The following PARP8 variants were observed in gnomAD, a reference collection of about 807,000 sequenced individuals.
PARP8 encodes protein mono-ADP-ribosyltransferase PARP8.
In PARP8, 51 loss-of-function variants were observed where a neutral mutation model predicts 124.1. The ratio of observed to expected loss-of-function variants is 0.41; its 90% CI spans 0.33 to 0.52. PARP8 has a LOEUF of 0.52. Ranked by LOEUF, PARP8 falls within the 20% of genes least tolerant of loss-of-function variation. The pLI is 0.21. For missense variants in PARP8, 860 were observed against 1,018.9 expected (o/e 0.84, Z 2.12); for synonymous variants, 391 against 361.5 (o/e 1.08, Z -0.93).
intron 15 of PARP8, 40 bp from the exon 16 acceptor site, chr5:50,821,173 A>T: frequency 6.2e-7 from 1 of 1,611,708 alleles, no homozygotes; most frequent in Non-Finnish European, 8.5e-7. Context: ...CACTGGATAA[A>T]ACCTGAAGGG....
intron 2 of PARP8, among the ~76,000 whole-genome samples, chr5:50,715,134 C>G (rs1052546542): frequency 6.6e-6 from 1 of 152,066 alleles, no homozygotes; most frequent in Non-Finnish European, 1.5e-5. Context: ...AGTGCCTCCT[C>G]TCACTTCAGC....
intron 2 of PARP8, among the ~76,000 whole-genome samples, chr5:50,721,795 C>A (rs1755914303): frequency 6.6e-6 from 1 of 151,976 alleles, no homozygotes; most frequent in South Asian, 2.1e-4. Context: ...GGAAAAAGTT[C>A]TTATTGGTTG....
intron 2 of PARP8, among the ~76,000 whole-genome samples, chr5:50,671,608 T>A (rs146785402): frequency 2.0e-5 from 3 of 152,242 alleles, no homozygotes; most frequent in African/African-American, 7.2e-5. Flanking sequence ...AAATTTATTC[T>A]TTTAGATTTT....
intron 10 of PARP8, among the ~76,000 whole-genome samples, chr5:50,790,469 T>A (rs1283828672): frequency 6.6e-6 from 1 of 152,324 alleles, no homozygotes; most frequent in Middle Eastern, 3.4e-3. Flanking sequence ...ACATTTTTTT[T>A]ATACTATGAT....
At chr5:50,783,329 G>A (rs1018090303) in intron 9 of PARP8, among the ~76,000 whole-genome samples, 7 of 152,110 alleles carry the variant, frequency 4.6e-5, no homozygotes, top group African/African-American at 7.2e-5. Flanking sequence ...TAGTTGGCAA[G>A]GGACCTGTGG....
At chr5:50,685,546 A>G (rs1381244197) in intron 2 of PARP8, among the ~76,000 whole-genome samples, 3 of 152,216 alleles carry the variant, frequency 2.0e-5, no homozygotes, top group African/African-American at 7.2e-5. Context: ...GCAATTCCCA[A>G]ATGAACTATC....
intron 3 of PARP8, among the ~76,000 whole-genome samples, chr5:50,751,209 A>G (rs1561326914): frequency 6.6e-6 from 1 of 152,098 alleles, no homozygotes; most frequent in Non-Finnish European, 1.5e-5. Context: ...CCTTTAGTAA[A>G]CCAAGTGGGC....
intron 2 of PARP8, among the ~76,000 whole-genome samples, chr5:50,718,340 G>A (rs1012564627): frequency 2.6e-5 from 4 of 151,908 alleles, no homozygotes; most frequent in African/African-American, 7.2e-5. Context: ...AAGCAATCTT[G>A]CATAATGACT....
At chr5:50,805,889 TC>T in intron 14 of PARP8, among the ~76,000 whole-genome samples, 1 of 152,156 alleles carries the variant, frequency 6.6e-6, no homozygotes, top group South Asian at 2.1e-4. Flanking sequence ...TTTTGTCATT[TC>T]CATTTGTTAC....
chr5:50,839,595 G>C (rs889432251), intron 25 of PARP8, among the ~76,000 whole-genome samples: 20 of 151,788 alleles, frequency 1.3e-4, no homozygotes, highest in African/African-American at 4.6e-4. Context: ...GTGCTTCCTT[G>C]TGGGTTTCCT....
intron 2 of PARP8, among the ~76,000 whole-genome samples, chr5:50,711,472 G>A (rs1754761937): frequency 6.6e-6 from 1 of 152,064 alleles, no homozygotes; most frequent in Non-Finnish European, 1.5e-5. Context: ...TTGCTCTGTG[G>A]CTTCTGGGGC....
At chr5:50,689,592 C>A (rs557949107) in intron 2 of PARP8, among the ~76,000 whole-genome samples, 11 of 152,298 alleles carry the variant, frequency 7.2e-5, no homozygotes, top group African/African-American at 2.2e-4. Flanking sequence ...TTCATGGACT[C>A]ACATTAGTCA....
At chr5:50,806,491 A>G (rs1743857741) in intron 14 of PARP8, among the ~76,000 whole-genome samples, 6 of 152,056 alleles carry the variant, frequency 3.9e-5, no homozygotes, top group Admixed American at 3.9e-4. Flanking sequence ...AAATATTGCT[A>G]TATTTTTCTA....
chr5:50,674,088 G>T (rs1750343446), intron 2 of PARP8, among the ~76,000 whole-genome samples: 1 of 152,140 alleles, frequency 6.6e-6, no homozygotes, highest in Admixed American at 6.5e-5. Context: ...AGTAAGATGT[G>T]TTTTTATTAA....
At chr5:50,739,936 A>G (rs1476403213) in intron 2 of PARP8, among the ~76,000 whole-genome samples, 1 of 151,582 alleles carries the variant, frequency 6.6e-6, no homozygotes, top group African/African-American at 2.4e-5. Context: ...TTTTTAGTAG[A>G]GACGGGGTTT....
chr5:50,815,054 A>G (rs905072819), intron 14 of PARP8, among the ~76,000 whole-genome samples: 3 of 152,012 alleles, frequency 2.0e-5, no homozygotes, highest in Non-Finnish European at 4.4e-5. Flanking sequence ...TACAGCTTTC[A>G]TATTTAAGCT....
intron 10 of PARP8, among the ~76,000 whole-genome samples, chr5:50,792,801 G>C (rs1409866795): frequency 6.6e-6 from 1 of 152,024 alleles, no homozygotes; most frequent in Non-Finnish European, 1.5e-5. Context: ...CACTTCCACT[G>C]CTAAAAGGGC....
intron 20 of PARP8, 88 bp from the exon 21 acceptor site, chr5:50,828,224 A>G: frequency 7.4e-7 from 1 of 1,358,386 alleles, no homozygotes; most frequent in South Asian, 1.2e-5. Flanking sequence ...CAGAACCTTC[A>G]GAAGGCACCA....
intron 17 of PARP8, among the ~76,000 whole-genome samples, chr5:50,823,084 G>A (rs550494143): frequency 6.6e-6 from 1 of 152,316 alleles, no homozygotes; most frequent in African/African-American, 2.4e-5. Flanking sequence ...CGCACATTAT[G>A]TGTGCAGCTT....
Sources: gnomAD v4.1 joint callset for allele counts (sites outside exome capture counted in the v4.1 genomes callset) on GRCh38, gnomAD v4.1.1 for gene constraint, MANE v1.5 for transcripts, NCBI Gene and HGNC (gene_info 2026-07-23, HGNC 2026-07-21) for gene names.